The following PRMT8 variants were observed in gnomAD, a reference collection of about 807,000 sequenced individuals.
PRMT8 encodes protein arginine N-methyltransferase 8.
PRMT8 carries 7 observed loss-of-function variants against 47.1 expected under a neutral mutation model. The observed-to-expected ratio is 0.15, with a 90% CI of 0.08 to 0.28. PRMT8 has a LOEUF of 0.28. PRMT8 is among the 10% of genes least tolerant of loss of function. PRMT8 has a pLI of 1.00. For missense variants in PRMT8, 237 were observed against 505.4 expected (o/e 0.47, Z 5.09); for synonymous variants, 188 against 186.5 (o/e 1.01, Z -0.07).
At position 3,388,020 on chromosome 12, in the gene PRMT8, C is replaced by A. The variant is rs1183383726; in HGVS notation, c.48+6578C>A. 8.7e-5 allele frequency among the ~76,000 whole-genome samples: 13 copies of A among 149,926 alleles called. No homozygotes were observed. The Admixed American group carries it at 8.7e-4, about 10-fold the overall frequency. ...TGCCTTATTTCCTCAATAACTCCTCCCTTCCCTTCCTTTCTCCTTCTTTCC... is the reference window on the plus strand; with the variant it reads ...TGCCTTATTTCCTCAATAACTCCTCACTTCCCTTCCTTTCTCCTTCTTTCC... On this transcript the variant is annotated intron_variant, in intron 1 of 9. Coordinates refer to the PRMT8 transcript ENST00000452611.
intron 1 of PRMT8, among the ~76,000 whole-genome samples, chr12:3,399,440 A>C (rs1353759486): frequency 6.6e-6 from 1 of 152,180 alleles, no homozygotes; most frequent in Non-Finnish European, 1.5e-5. Flanking sequence ...GTTTTCTTTC[A>C]ACTGCATTCA....
chr12:3,489,911 C>A (rs1865361564), upstream of PRMT8, among the ~76,000 whole-genome samples: 1 of 152,102 alleles, frequency 6.6e-6, no homozygotes, highest in Non-Finnish European at 1.5e-5. Flanking sequence ...TCTCCTGTCT[C>A]TATCCCTCAC....
Position 3,477,504 on chromosome 12 carries a change from A to G in PRMT8, c.49-63102A>G, listed in dbSNP as rs9634151. Reference sequence around the variant, plus strand: ...CCAAGCACCTGGATTTTCTTGCATCATGTAGTCTTATTGACGTTGAGTTCT... The same window carrying G: ...CCAAGCACCTGGATTTTCTTGCATCGTGTAGTCTTATTGACGTTGAGTTCT... On this transcript the variant is annotated intron_variant, in intron 1 of 9. Coordinates refer to the PRMT8 transcript ENST00000452611. Among the ~76,000 whole-genome samples the G allele has an allele frequency of 3.1e-3, 469 of 152,336 alleles. 13 individuals are homozygous for G. The East Asian group carries it at 0.066, about 21-fold the overall frequency.
Position 3,581,919 on chromosome 12 carries a change from T to C in PRMT8, c.829-1139T>C, listed in dbSNP as rs568681607. Among the ~76,000 whole-genome samples, 41 of 152,240 alleles carry C rather than the reference T, an allele frequency of 2.7e-4. 1 individual carries two copies. Among genetic ancestry groups the C allele is most frequent in the Non-Finnish European group, 2.2e-4 (15 of 68,038 alleles). ...TCCTTTATTTATCCTGGAAATACAT[T>C]GAGACAAAAGCCATTTCATCGCTTT... On this transcript the variant is annotated intron_variant, in intron 7 of 9. Coordinates refer to ENST00000382622, the MANE Select transcript of PRMT8 (RefSeq NM_019854.5).
intron 8 of PRMT8, among the ~76,000 whole-genome samples, chr12:3,584,878 T>TA (rs1026721322): frequency 1.2e-4 from 19 of 152,304 alleles, no homozygotes; most frequent in African/African-American, 4.3e-4. Context: ...TACACCTTTT[T>TA]AAAAAAACTT....
intron 8 of PRMT8, among the ~76,000 whole-genome samples, chr12:3,586,956 TG>T (rs1384057546): frequency 1.3e-5 from 2 of 152,168 alleles, no homozygotes; most frequent in Non-Finnish European, 2.9e-5. Flanking sequence ...CGTGTCAGCG[TG>T]GGGGCTCTGT....
chr12:3,430,762 C>T (rs1010214164), intron 1 of PRMT8, among the ~76,000 whole-genome samples: 2 of 152,230 alleles, frequency 1.3e-5, no homozygotes, highest in African/African-American at 4.8e-5. Flanking sequence ...CATTCATTTA[C>T]TCGTCCATTC....
intron 1 of PRMT8, among the ~76,000 whole-genome samples, chr12:3,475,051 G>C (rs766223264): frequency 6.6e-6 from 1 of 152,180 alleles, no homozygotes; most frequent in South Asian, 2.1e-4. Flanking sequence ...TAGCAGCATG[G>C]TGACCTGTAG....
intron 1 of PRMT8, among the ~76,000 whole-genome samples, chr12:3,442,518 T>C (rs1864814043): frequency 6.6e-6 from 1 of 152,114 alleles, no homozygotes; most frequent in African/African-American, 2.4e-5. Context: ...CGGCTGCCTG[T>C]TCTCCTGGGA....
intron 1 of PRMT8, among the ~76,000 whole-genome samples, chr12:3,529,912 T>A (rs918190973): frequency 6.6e-6 from 1 of 152,210 alleles, no homozygotes; most frequent in Non-Finnish European, 1.5e-5. Flanking sequence ...AGAGGGCTTG[T>A]ACTACACGGG....
At chr12:3,524,642 T>TA (rs34644466) in intron 1 of PRMT8, among the ~76,000 whole-genome samples, 7,192 of 89,196 alleles carry the variant, frequency 0.081, 309 homozygotes, top group Non-Finnish European at 0.11. Context: ...CAAGACAATC[T>TA]AAAAAAAAAA....
chr12:3,443,581 A>G lies in PRMT8; in HGVS notation c.48+62139A>G, dbSNP rs537030585. Reference sequence around the variant, plus strand: ...AAAGCCACCATCATTTCCTGCCTGGAGCACTACAACAGCCTCCTACTCAGT... The same window carrying G: ...AAAGCCACCATCATTTCCTGCCTGGGGCACTACAACAGCCTCCTACTCAGT... On this transcript the variant is annotated intron_variant, in intron 1 of 9. Transcript: ENST00000452611. Among the ~76,000 whole-genome samples, 42 of 152,282 alleles carry G rather than the reference A, an allele frequency of 2.8e-4. 1 individual carries two copies. The highest frequency in any genetic ancestry group is 8.9e-4 in the African/African-American group (37 of 41,548).
chr12:3,431,145 A>G (rs1193192388), intron 1 of PRMT8, among the ~76,000 whole-genome samples: 1 of 152,216 alleles, frequency 6.6e-6, no homozygotes, highest in Non-Finnish European at 1.5e-5. Flanking sequence ...TAGCCCTTAG[A>G]CAGAGGAGTG....
intron 2 of PRMT8, among the ~76,000 whole-genome samples, chr12:3,541,161 G>A (rs1358065231): frequency 2.6e-5 from 4 of 152,238 alleles, no homozygotes; most frequent in Non-Finnish European, 5.9e-5. Flanking sequence ...TGCAGTCAGA[G>A]TCCTGAGGCA....
At chr12:3,428,869 T>C (rs547343396) in intron 1 of PRMT8, among the ~76,000 whole-genome samples, 46 of 152,030 alleles carry the variant, frequency 3.0e-4, no homozygotes, top group Non-Finnish European at 5.9e-4. Context: ...TCTCTTTGTC[T>C]CTCTGTCTCT....
intron 1 of PRMT8, among the ~76,000 whole-genome samples, chr12:3,430,743 A>G (rs1864666557): frequency 6.6e-6 from 1 of 152,264 alleles, no homozygotes; most frequent in Non-Finnish European, 1.5e-5. Flanking sequence ...ACAGAGTAGA[A>G]CATTCATTCA....
At position 3,464,916 on chromosome 12, in the gene PRMT8, G is replaced by C. The variant is rs1454936683; in HGVS notation, c.49-75690G>C. Among the ~76,000 whole-genome samples, 6 of 152,022 alleles carry C rather than the reference G, an allele frequency of 3.9e-5. No homozygotes were observed. In the East Asian group the frequency reaches 1.2e-3, roughly 29 times the overall value. The stretch of plus-strand genomic sequence containing the variant: ...GAGGTGGGTGGATCACCTGAGGTCT[G>C]GAGTTCCAGACCAGCCTGACCAACA... On this transcript the variant is annotated intron_variant, in intron 1 of 9. Transcript: ENST00000452611.
chr12:3,554,245 C>T (rs1226821644), intron 4 of PRMT8, among the ~76,000 whole-genome samples: 1 of 152,216 alleles, frequency 6.6e-6, no homozygotes, highest in African/African-American at 2.4e-5. Context: ...CGTCCCTTCC[C>T]TTCCTCCCCT....
intron 1 of PRMT8, among the ~76,000 whole-genome samples, chr12:3,438,913 C>CT (rs1396520872): frequency 2.6e-5 from 4 of 151,984 alleles, no homozygotes; most frequent in South Asian, 2.1e-4. Flanking sequence ...TTTTTCTTTC[C>CT]TTTTTTACAA....
Sources: gnomAD v4.1 joint callset for allele counts (sites outside exome capture counted in the v4.1 genomes callset) on GRCh38, gnomAD v4.1.1 for gene constraint, MANE v1.5 for transcripts, NCBI Gene and HGNC (gene_info 2026-07-23, HGNC 2026-07-21) for gene names.